Variants in GSG1 observed in about 807,000 individuals in gnomAD.
GSG1 encodes germ cell associated 1.
A neutral mutation model predicts 30.8 loss-of-function variants in GSG1; 28 were observed. That is an observed-to-expected ratio of 0.91 (90% CI 0.67 to 1.25). The LOEUF is 1.25. GSG1 is among the 50% of genes most tolerant of loss of function. GSG1 has a pLI of 0.00. For missense variants in GSG1, 435 were observed against 444.7 expected (o/e 0.98, Z 0.20); for synonymous variants, 162 against 178.0 (o/e 0.91, Z 0.71).
intron 1 of GSG1, among the ~76,000 whole-genome samples, chr12:13,091,524 T>C (rs1297582241): frequency 1.3e-5 from 2 of 152,170 alleles, no homozygotes; most frequent in Non-Finnish European, 2.9e-5. Context: ...GGTAACATAG[T>C]GAGACCCTGT....
rs1866565744 is a variant in GSG1 at position 13,095,305 on chromosome 12, G to T, written c.49-4487C>A. ...GATCCTGAAGAAGTAATGGCCATAA[G>T]AACAACTCTATCTTTGTGTATGCAA... On this transcript the variant is annotated intron_variant, in intron 1 of 6. Transcript: ENST00000651961. Among the ~76,000 whole-genome samples the T allele has an allele frequency of 2.0e-5, 3 of 152,140 alleles. No individual in the cohort carries two copies. In the South Asian group the frequency reaches 6.2e-4, roughly 32 times the overall value.
intron 1 of GSG1, among the ~76,000 whole-genome samples, chr12:13,095,043 C>T (rs1201603172): frequency 6.6e-6 from 1 of 152,186 alleles, no homozygotes; most frequent in Non-Finnish European, 1.5e-5. Flanking sequence ...AAAGAGGTTC[C>T]TTCCAGAAGG....
At chr12:13,095,847 C>T (rs1866621585) in intron 1 of GSG1, 1 of 1,391,104 alleles carries the variant, frequency 7.2e-7, no homozygotes, top group African/African-American at 1.4e-5. Context: ...GAGATTACAC[C>T]AGAGAGCTTG....
In GSG1 at chr12:13,099,386, A is replaced by T. The variant is rs546542028; in HGVS notation, c.48+4079T>A. ...GATTCCACACCTAAAAACAGTATTT[A>T]GCTCTGGCATGTTGGACTGTGACTA... is the stretch of plus-strand genomic sequence containing the variant. On this transcript the variant is annotated intron_variant, in intron 1 of 6. Coordinates refer to ENST00000651961, the MANE Select transcript of GSG1 (RefSeq NM_001080555.4). Among the ~76,000 whole-genome samples, 11 of 152,344 alleles carry T rather than the reference A, an allele frequency of 7.2e-5. No homozygotes were observed. In the South Asian group the frequency reaches 2.3e-3, roughly 32 times the overall value.
At chr12:13,085,376 G>T in intron 6 of GSG1, 133 bp from the exon 7 acceptor site, 1 of 763,124 alleles carries the variant, frequency 1.3e-6, no homozygotes. Context: ...CCATGTTTCA[G>T]GTAAAGAACT....
rs761728889 is a variant in GSG1 at position 13,103,490 on chromosome 12, G to A, written c.23C>T (p.Thr8Ile). 1 of 1,613,970 alleles carries A rather than the reference G, an allele frequency of 6.2e-7. No individual in the cohort carries two copies. Among genetic ancestry groups the A allele is most frequent in the Non-Finnish European group, 8.5e-7 (1 of 1,179,840 alleles). The change falls in exon 1 of 7, where the codon ACT becomes ATT. Residue 8 changes from threonine to isoleucine, a missense_variant. Transcript: ENST00000651961. Reference protein sequence around the residue: MSDPSQLTQNVCLTQEME... With the variant: MSDPSQLIQNVCLTQEME... ...CTCCTGGGTGAGGCAAACATTTTGA[G>A]TCAGTTGAGAGGGATCGCTCATTCA...
intron 4 of GSG1, chr12:13,088,604 G>T: frequency 1.3e-6 from 1 of 765,636 alleles, no homozygotes; most frequent in Non-Finnish European, 2.1e-6. Flanking sequence ...GCATATGAAT[G>T]AAAGTCAGCT....
intron 4 of GSG1, among the ~76,000 whole-genome samples, chr12:13,088,351 A>G (rs1411818447): frequency 6.6e-6 from 1 of 152,210 alleles, no homozygotes; most frequent in Admixed American, 6.5e-5. Context: ...CAGGGAAATA[A>G]TGTTGCTCTA....
chr12:13,086,272 G>C (rs963926136), intron 6 of GSG1, among the ~76,000 whole-genome samples: 2 of 152,186 alleles, frequency 1.3e-5, no homozygotes, highest in African/African-American at 4.8e-5. Flanking sequence ...TGCTGGATCT[G>C]GGAGCTGCAT....
At chr12:13,097,215 C>T (rs903775473) in intron 1 of GSG1, among the ~76,000 whole-genome samples, 1 of 152,162 alleles carries the variant, frequency 6.6e-6, no homozygotes, top group Admixed American at 6.5e-5. Flanking sequence ...TTCCTTCTGC[C>T]TGGACTGCCT....
chr12:13,086,305 TAGTAGACTC>T (rs1865516342), intron 6 of GSG1, among the ~76,000 whole-genome samples: 1 of 152,186 alleles, frequency 6.6e-6, no homozygotes, highest in Admixed American at 6.5e-5. Context: ...CTGGCTGGTG[TAGTAGACTC>T]AGACTCCCAA....
chr12:13,093,005 A>G lies in GSG1; in HGVS notation c.49-2187T>C, dbSNP rs1866303494. Among the ~76,000 whole-genome samples, 1 of 151,868 alleles carries G rather than the reference A, an allele frequency of 6.6e-6. No individual in the cohort carries two copies. Among genetic ancestry groups the G allele is most frequent in the African/African-American group, 2.4e-5 (1 of 41,374 alleles). On this transcript the variant is annotated intron_variant, in intron 1 of 6. Transcript: ENST00000651961. This position sits in a 1 kb window ranked among gnomAD's most constrained non-coding sequence, Gnocchi z 4.6. Reference sequence around the variant, plus strand: ...GAGACGGGGTTTCACCATATTGGCCAGGCTGGTCTTAAACTCCTGATCTTA... The same window carrying G: ...GAGACGGGGTTTCACCATATTGGCCGGGCTGGTCTTAAACTCCTGATCTTA...
chr12:13,095,207 CTTT>C (rs1866557259), intron 1 of GSG1, among the ~76,000 whole-genome samples: 1 of 152,212 alleles, frequency 6.6e-6, no homozygotes, highest in South Asian at 2.1e-4. Flanking sequence ...CCAAACATGC[CTTT>C]TCCTGCTAGG....
At chr12:13,086,412 C>T (rs1415954589) in intron 6 of GSG1, among the ~76,000 whole-genome samples, 1 of 152,202 alleles carries the variant, frequency 6.6e-6, no homozygotes, top group African/African-American at 2.4e-5. Context: ...AACTTGAGCC[C>T]ATCACTGTGT....
Position 13,089,266 on chromosome 12 carries a change from A to G in GSG1, c.375T>C (p.His125=), listed in dbSNP as rs765826295. ...EETVEEPALL[H]PQSWKQFRAL... is the part of the protein sequence containing the mutation. The stretch of plus-strand genomic sequence containing the variant: ...CTCTAAATTGTTTCCAGGACTGGGG[A>G]TGGAGCAGTGCTAAGTGGCACAATA... Residue 125 remains histidine (H), a synonymous_variant, in exon 3 of 7, where the codon CAT becomes CAC. Transcript: ENST00000651961. The G allele has an allele frequency of 1.7e-5, 27 of 1,556,242 alleles. No homozygotes were observed. The highest frequency in any genetic ancestry group is 9.6e-5 in the African/African-American group (7 of 73,244).
At chr12:13,094,973 C>T (rs535542011) in intron 1 of GSG1, among the ~76,000 whole-genome samples, 17 of 152,196 alleles carry the variant, frequency 1.1e-4, no homozygotes, top group South Asian at 2.1e-4. Flanking sequence ...AGGTGACAAC[C>T]AATTTAAGGA....
In GSG1 at chr12:13,093,612, T is replaced by C. The variant is rs971281107; in HGVS notation, c.49-2794A>G. ...GAGTTTCAAATGCGAGGTGGCTGTG[T>C]GGTGCCTGTGTAGGCTGGACACCAG... On this transcript the variant is annotated intron_variant, in intron 1 of 6. Transcript: ENST00000651961. The surrounding 1 kb of genome is among the most constrained non-coding windows in gnomAD (Gnocchi z 4.6). Among the ~76,000 whole-genome samples, 4 of 152,100 alleles carry C rather than the reference T, an allele frequency of 2.6e-5. No homozygotes were observed. The East Asian group carries it at 7.7e-4, about 29-fold the overall frequency.
intron 1 of GSG1, among the ~76,000 whole-genome samples, chr12:13,092,691 A>G (rs559581500): frequency 1.3e-5 from 2 of 152,356 alleles, no homozygotes; most frequent in South Asian, 4.1e-4. Context: ...AGTATTTTAC[A>G]CATTAGACAC....
At chr12:13,096,298 C>A (rs1866654377) in intron 1 of GSG1, among the ~76,000 whole-genome samples, 1 of 151,788 alleles carries the variant, frequency 6.6e-6, no homozygotes, top group Non-Finnish European at 1.5e-5. Flanking sequence ...ATGCTGAAAT[C>A]CCGTCTCTAC....
Sources: gnomAD v4.1 joint callset for allele counts (sites outside exome capture counted in the v4.1 genomes callset) on GRCh38, gnomAD v4.1.1 for gene constraint, Gnocchi (gnomAD v3.1) non-coding constraint, MANE v1.5 for transcripts, NCBI Gene and HGNC (gene_info 2026-07-23, HGNC 2026-07-21) for gene names.